DYNC2H1: variants seen among roughly 807,000 people sequenced by gnomAD.
DYNC2H1 encodes cytoplasmic dynein 2 heavy chain 1.
A neutral mutation model predicts 570.0 loss-of-function variants in DYNC2H1; 410 were observed. The ratio of observed to expected loss-of-function variants is 0.72; its 90% CI spans 0.66 to 0.78. The LOEUF is 0.78. Ranked by LOEUF, DYNC2H1 falls within the 30% of genes least tolerant of loss-of-function variation. DYNC2H1 has a pLI of 0.00. For missense variants in DYNC2H1, 4,865 were observed against 5,046.4 expected (o/e 0.96, Z 1.09); for synonymous variants, 1,688 against 1,677.6 (o/e 1.01, Z -0.15).
intron 84 of DYNC2H1, among the ~76,000 whole-genome samples, chr11:103,412,076 T>C (rs1245131370): frequency 1.3e-5 from 2 of 152,162 alleles, no homozygotes; most frequent in Non-Finnish European, 2.9e-5. Context: ...CTTTCTGACA[T>C]TTACTTTCTA....
chr11:103,302,322 C>G (rs1015016251), intron 75 of DYNC2H1, among the ~76,000 whole-genome samples: 6 of 151,984 alleles, frequency 3.9e-5, no homozygotes, highest in Non-Finnish European at 7.4e-5. Context: ...AAATAAACTA[C>G]CCAGTATAAT....
chr11:103,165,362 C>T (rs1861261252), intron 30 of DYNC2H1, among the ~76,000 whole-genome samples: 1 of 152,194 alleles, frequency 6.6e-6, no homozygotes. Flanking sequence ...CTCCTGGCCT[C>T]AAGTGATCCA....
At position 103,395,702 on chromosome 11, in the gene DYNC2H1, T is replaced by C. The variant is rs111654735; in HGVS notation, c.12157-3961T>C. Among the ~76,000 whole-genome samples the C allele has an allele frequency of 0.011, 1,665 of 152,280 alleles. 15 individuals are homozygous for C. The highest frequency in any genetic ancestry group is 0.065 in the Middle Eastern group (19 of 294). Reference sequence around the variant, plus strand: ...CTCTGTTTGGTCATGCTGCCATCCCTGAACCAGTCACTGTGGTCAAGAGAA... The same window carrying C: ...CTCTGTTTGGTCATGCTGCCATCCCCGAACCAGTCACTGTGGTCAAGAGAA... On this transcript the variant is annotated intron_variant, in intron 83 of 88. Coordinates refer to ENST00000375735, the MANE Select transcript of DYNC2H1 (RefSeq NM_001377.3). This position sits in a 1 kb window ranked among gnomAD's most constrained non-coding sequence, Gnocchi z 4.3.
At chr11:103,383,173 G>C (rs892855720) in intron 83 of DYNC2H1, among the ~76,000 whole-genome samples, 2 of 152,184 alleles carry the variant, frequency 1.3e-5, no homozygotes, top group Non-Finnish European at 2.9e-5. Context: ...AACTGCTGTT[G>C]TTGGAAGGAT....
In DYNC2H1 at chr11:103,188,507, A is replaced by G; in HGVS notation, c.7151A>G (p.Tyr2384Cys). Residue 2384 changes from tyrosine (Y) to cysteine (C), a missense_variant, in exon 44 of 89, where the codon TAT (tyrosine) becomes TGT (cysteine). Transcript: ENST00000375735. ...TTTATTTTCAAATAGGTATTGACGT[A>G]TCAAGGATTTTATGATGAAAATTTG... ...LVAFLQQVLTYQGFYDENLEW... is the reference protein window; with the variant it reads ...LVAFLQQVLTCQGFYDENLEW... The G allele has an allele frequency of 6.2e-7, 1 of 1,601,780 alleles. No individual in the cohort carries two copies. The highest frequency in any genetic ancestry group is 8.5e-7 in the Non-Finnish European group (1 of 1,171,434).
rs990120241 is a variant in DYNC2H1 at position 103,148,563 on chromosome 11, A to C, written c.2892A>C (p.Glu964Asp). ...EVLTIMPQSV[E>D]EIGDANLQYS... ...TAACAATTATGCCCCAGTCTGTGGA[A>C]GAAATTGGTGATGCAAATCTACAAT... The change falls in exon 20 of 89, where the codon GAA (glutamate) becomes GAC (aspartate). Residue 964 changes from glutamate (E) to aspartate (D), a missense_variant. Glu to Asp is a conservative substitution (Grantham distance 45). Around this residue, in one of 5 missense-constraint regions of DYNC2H1, gnomAD observed 1,936 missense variants for 1,962.1 expected, o/e 0.99. Transcript: ENST00000375735. The C allele has an allele frequency of 6.4e-7, 1 of 1,570,240 alleles. No homozygotes were observed. The highest frequency in any genetic ancestry group is 1.4e-5 in the African/African-American group (1 of 74,022).
intron 47 of DYNC2H1, among the ~76,000 whole-genome samples, chr11:103,196,667 C>A (rs1264584116): frequency 6.6e-6 from 1 of 151,972 alleles, no homozygotes; most frequent in Admixed American, 6.6e-5. Flanking sequence ...CAGGGAGTAT[C>A]AGTATATAAG....
Position 103,412,763 on chromosome 11 carries a change from A to T in DYNC2H1, c.12366+12891A>T, listed in dbSNP as rs142491941. On this transcript the variant is annotated intron_variant, in intron 84 of 88. Transcript: ENST00000375735. ...TTTTTTGATCACTGACCACCTTAAA[A>T]ATTGAAGAGGAAGGATGTACTTTCT... Among the ~76,000 whole-genome samples the T allele has an allele frequency of 1.1e-3, 171 of 152,342 alleles. 3 individuals carry two copies. The East Asian group carries it at 0.031, about 27-fold the overall frequency.
Position 103,163,078 on chromosome 11 carries a change from G to A in DYNC2H1, c.4542G>A (p.Leu1514=). The change falls in exon 30 of 89, where the codon TTG becomes TTA. Residue 1514 remains leucine (L), a synonymous_variant. Coordinates refer to ENST00000375735, the MANE Select transcript of DYNC2H1 (RefSeq NM_001377.3). The surrounding 1 kb of genome is among the most constrained non-coding windows in gnomAD (Gnocchi z 4.6). Reference sequence around the variant, plus strand: ...AAATGAAGAAAACTTTGGAACAGTTGTTGAAGGAATGTGTTACTACTGGGC... The same window carrying A: ...AAATGAAGAAAACTTTGGAACAGTTATTGAAGGAATGTGTTACTACTGGGC... The part of the protein sequence containing the change: ...ALEMKKTLEQ[L]LKECVTTGRS... The A allele has an allele frequency of 6.2e-7, 1 of 1,613,218 alleles. No individual in the cohort carries two copies. The highest frequency in any genetic ancestry group is 8.5e-7 in the Non-Finnish European group (1 of 1,179,352).
At chr11:103,171,156 C>A in intron 34 of DYNC2H1, 88 bp downstream of exon 34, 1 of 1,116,192 alleles carries the variant, frequency 9.0e-7, no homozygotes. Context: ...CTTTTTATTT[C>A]TCCTGACATC....
Position 103,204,983 on chromosome 11 carries a change from A to T in DYNC2H1, c.8454+19A>T, listed in dbSNP as rs749625536. 1.3e-6 allele frequency: 2 copies of T among 1,537,448 alleles called. No homozygotes were observed. The highest frequency in any genetic ancestry group is 2.5e-5 in the East Asian group (1 of 40,764). On this transcript the variant is annotated intron_variant, in intron 52 of 88. Transcript: ENST00000375735. This position sits in a 1 kb window ranked among gnomAD's most constrained non-coding sequence, Gnocchi z 4.1. ...GAAGAAAGTAAGTTTAACAAATATT[A>T]AAAAATTTAAAAGCACATTTTATTT... is the stretch of plus-strand genomic sequence containing the variant.
At position 103,135,719 on chromosome 11, in the gene DYNC2H1, G is replaced by C; in HGVS notation, c.2346-1G>C. The C allele has an allele frequency of 6.2e-7, 1 of 1,608,214 alleles. No individual in the cohort carries two copies. Among genetic ancestry groups the C allele is most frequent in the Non-Finnish European group, 8.5e-7 (1 of 1,176,918 alleles). On this transcript the variant is annotated splice_acceptor_variant, in intron 16 of 88. Coordinates refer to ENST00000375735, the MANE Select transcript of DYNC2H1 (RefSeq NM_001377.3). LOFTEE classifies it high-confidence loss of function. ...TTTTAAAGTTATTTATTTACTTTTA[G>C]ACAGGGACGATTACAATTCAGGCCC...
At chr11:103,143,110 C>T (rs900209533) in intron 17 of DYNC2H1, among the ~76,000 whole-genome samples, 158 bp from the exon 18 acceptor site, 1 of 152,006 alleles carries the variant, frequency 6.6e-6, no homozygotes, top group African/African-American at 2.4e-5. Context: ...TCTGTTTATT[C>T]TTTAGGCTGT....
intron 11 of DYNC2H1, 138 bp from the exon 12 acceptor site, chr11:103,124,962 T>C (rs989716947): frequency 1.7e-6 from 1 of 598,232 alleles, no homozygotes; most frequent in Non-Finnish European, 2.7e-6. Flanking sequence ...AACCCACAAC[T>C]TAAAAGCTAT....
At chr11:103,301,886 A>G (rs913217438) in intron 75 of DYNC2H1, among the ~76,000 whole-genome samples, 3 of 151,926 alleles carry the variant, frequency 2.0e-5, no homozygotes, top group South Asian at 4.1e-4. Flanking sequence ...TTGAGAATAT[A>G]TGGAAGCCTT....
chr11:103,338,558 C>G (rs1192405923), intron 82 of DYNC2H1, among the ~76,000 whole-genome samples: 1 of 152,178 alleles, frequency 6.6e-6, no homozygotes, highest in East Asian at 1.9e-4. Flanking sequence ...CATATAGCCT[C>G]TTTTCAAGCT....
rs367612048 is a variant in DYNC2H1 at position 103,390,691 on chromosome 11, C to T, written c.12157-8972C>T. On this transcript the variant is annotated intron_variant, in intron 83 of 88. Coordinates refer to ENST00000375735, the MANE Select transcript of DYNC2H1 (RefSeq NM_001377.3). Reference sequence around the variant, plus strand: ...TTCAGGAGCTCTTGTAGGGCAGGCCCGGTGGTGACAAAATCTCTCAGCACT... The same window carrying T: ...TTCAGGAGCTCTTGTAGGGCAGGCCTGGTGGTGACAAAATCTCTCAGCACT... Among the ~76,000 whole-genome samples, 94 of 152,190 alleles carry T rather than the reference C, an allele frequency of 6.2e-4. 3 individuals carry two copies. The highest frequency in any genetic ancestry group is 2.7e-3 in the East Asian group (14 of 5,170).
rs898925961 is a variant in DYNC2H1 at position 103,472,810 on chromosome 11, G to C, written c.12765+4105G>C. Among the ~76,000 whole-genome samples the C allele has an allele frequency of 2.0e-5, 3 of 151,952 alleles. No homozygotes were observed. The highest frequency in any genetic ancestry group is 2.0e-4 in the Admixed American group (3 of 15,252). The stretch of plus-strand genomic sequence containing the variant: ...TGATAATAATAAAATTCAGAACTTT[G>C]GTAACTAAACTTTTTTTTTACACCA... On this transcript the variant is annotated intron_variant, in intron 88 of 88. Coordinates refer to ENST00000375735, the MANE Select transcript of DYNC2H1 (RefSeq NM_001377.3). This position sits in a 1 kb window ranked among gnomAD's most constrained non-coding sequence, Gnocchi z 4.1.
At chr11:103,174,464 A>G (rs951627956) in intron 36 of DYNC2H1, among the ~76,000 whole-genome samples, 3 of 152,118 alleles carry the variant, frequency 2.0e-5, no homozygotes, top group Non-Finnish European at 4.4e-5. Flanking sequence ...AATAGTTGTA[A>G]TATGTAAAGT....
Sources: allele counts gnomAD v4.1 joint callset (sites outside exome capture counted in the v4.1 genomes callset), GRCh38; gene constraint gnomAD v4.1.1; regional missense constraint gnomAD v4.1.1; non-coding constraint Gnocchi (gnomAD v3.1); transcripts MANE v1.5; gene names NCBI Gene and HGNC (gene_info 2026-07-23, HGNC 2026-07-21).